Variants in ARHGAP10 observed in about 807,000 individuals in gnomAD.
ARHGAP10 encodes Rho GTPase activating protein 10.
A neutral mutation model predicts 108.6 loss-of-function variants in ARHGAP10; 87 were observed. That is an observed-to-expected ratio of 0.80 (90% CI 0.67 to 0.96). The LOEUF (loss-of-function observed/expected upper bound fraction) is 0.96, where lower values mean the gene tolerates loss of function less well. Ranked by LOEUF, ARHGAP10 falls within the 40% of genes least tolerant of loss-of-function variation. The pLI, the probability that ARHGAP10 is intolerant of heterozygous loss-of-function variation, is 0.00. For missense variants in ARHGAP10, 939 were observed against 954.5 expected (o/e 0.98, Z 0.21); for synonymous variants, 347 against 341.1 (o/e 1.02, Z -0.19).
chr4:148,047,427 T>C (rs943209652), intron 20 of ARHGAP10, among the ~76,000 whole-genome samples: 4 of 152,262 alleles, frequency 2.6e-5, no homozygotes, highest in African/African-American at 9.6e-5. Flanking sequence ...GTCTGTAGAA[T>C]GATATTTTAC....
Position 147,906,104 on chromosome 4 carries a change from G to A in ARHGAP10, c.1035-534G>A, listed in dbSNP as rs573334283. On this transcript the variant is annotated intron_variant, in intron 10 of 22. Coordinates refer to ENST00000336498, the MANE Select transcript of ARHGAP10 (RefSeq NM_024605.4). ...TTTGTATCCTGAGACTTTGCTGAAG[G>A]TGCATCTTTTCTTAACGCTCCTCTG... is the stretch of plus-strand genomic sequence containing the variant. Among the ~76,000 whole-genome samples, 15 of 152,112 alleles carry A rather than the reference G, an allele frequency of 9.9e-5. No homozygotes were observed. In the South Asian group the frequency reaches 2.9e-3, roughly 29 times the overall value.
intron 1 of ARHGAP10, among the ~76,000 whole-genome samples, chr4:147,744,133 G>A (rs1276494571): frequency 6.6e-6 from 1 of 152,206 alleles, no homozygotes; most frequent in Non-Finnish European, 1.5e-5. Context: ...ATCAGTATGG[G>A]ATGCGATGAC....
intron 13 of ARHGAP10, among the ~76,000 whole-genome samples, chr4:147,918,526 T>TTGG (rs1737090489): frequency 6.6e-6 from 1 of 152,206 alleles, no homozygotes; most frequent in African/African-American, 2.4e-5. Flanking sequence ...TCATTTTGAC[T>TTGG]TGGTTCCTTT....
chr4:147,958,382 T>C (rs577404601), intron 16 of ARHGAP10, among the ~76,000 whole-genome samples: 1 of 151,028 alleles, frequency 6.6e-6, no homozygotes, highest in East Asian at 1.9e-4. Flanking sequence ...AGTGTATTTC[T>C]TCCTGTAGTC....
intron 22 of ARHGAP10, among the ~76,000 whole-genome samples, chr4:148,069,074 C>T (rs1008149199): frequency 3.9e-5 from 6 of 152,088 alleles, no homozygotes; most frequent in Non-Finnish European, 8.8e-5. Flanking sequence ...CTGTTGTCCG[C>T]GTAGACACTG....
intron 15 of ARHGAP10, among the ~76,000 whole-genome samples, chr4:147,952,081 C>A (rs139730142): frequency 1.5e-4 from 23 of 152,246 alleles, no homozygotes; most frequent in African/African-American, 5.5e-4. Flanking sequence ...GTAGCACATA[C>A]CAACAGTTCA....
chr4:148,064,307 T>TG lies in ARHGAP10; in HGVS notation c.2181-108dup. ...CGTTAATTTCTCTTTTGGGAGGAGT[T>TG]GCCCTACTGGTGACATCAGTGAGAT... is the stretch of plus-strand genomic sequence containing the variant. On this transcript the variant is annotated intron_variant, in intron 21 of 22. Coordinates refer to ENST00000336498, the MANE Select transcript of ARHGAP10 (RefSeq NM_024605.4). 8 of 763,428 alleles carry TG rather than the reference T, an allele frequency of 1.0e-5. No individual in the cohort carries two copies. The Admixed American group carries it at 1.9e-4, about 18-fold the overall frequency. The allele number at this position is 763,428 out of a possible 1,614,324, so 47.3% of individuals were successfully genotyped here. A position where few individuals can be genotyped will look rare whatever the true frequency, so the allele number is the denominator to read the frequency against.
At chr4:147,904,693 C>G (rs543442270) in intron 10 of ARHGAP10, among the ~76,000 whole-genome samples, 4 of 152,124 alleles carry the variant, frequency 2.6e-5, no homozygotes, top group Non-Finnish European at 5.9e-5. Flanking sequence ...AATAAACATA[C>G]GTGTGCATGT....
In ARHGAP10 at chr4:148,063,619, G is replaced by A. The variant is rs530674908; in HGVS notation, c.2180+319G>A. Among the ~76,000 whole-genome samples the A allele has an allele frequency of 4.6e-5, 7 of 152,298 alleles. No homozygotes were observed. In the East Asian group the frequency reaches 7.7e-4, roughly 17 times the overall value. ...CTCATGAGTATAAAGCACATTCTTCGTTTTAAAAGTAGGCAAGCTGGCACT... is the reference window on the plus strand; with the variant it reads ...CTCATGAGTATAAAGCACATTCTTCATTTTAAAAGTAGGCAAGCTGGCACT... On this transcript the variant is annotated intron_variant, in intron 21 of 22. Coordinates refer to ENST00000336498, the MANE Select transcript of ARHGAP10 (RefSeq NM_024605.4).
At chr4:148,029,997 C>A (rs528968550) in intron 19 of ARHGAP10, among the ~76,000 whole-genome samples, 1 of 151,366 alleles carries the variant, frequency 6.6e-6, no homozygotes, top group Non-Finnish European at 1.5e-5. Context: ...CTCAGCATCC[C>A]CCCCCCCACC....
chr4:147,996,874 A>G (rs1177032535), intron 18 of ARHGAP10, among the ~76,000 whole-genome samples: 1 of 152,208 alleles, frequency 6.6e-6, no homozygotes, highest in African/African-American at 2.4e-5. Flanking sequence ...AACAGGGAGA[A>G]GCAGCCATCC....
At chr4:147,963,993 C>T (rs888029698) in intron 16 of ARHGAP10, among the ~76,000 whole-genome samples, 4 of 152,246 alleles carry the variant, frequency 2.6e-5, no homozygotes, top group African/African-American at 4.8e-5. Context: ...TGCAACAGCT[C>T]TCTTCCCAAA....
chr4:147,798,184 A>G (rs555462717), intron 1 of ARHGAP10, among the ~76,000 whole-genome samples: 26 of 151,520 alleles, frequency 1.7e-4, no homozygotes, highest in Middle Eastern at 3.4e-3. Flanking sequence ...GCTTTATTTA[A>G]ATGTAGTGTG....
In ARHGAP10 at chr4:147,946,635, A is replaced by C; in HGVS notation, c.1322A>C (p.Glu441Ala). ...TCACTAGATGTAAAAACATGCAATG[A>C]GGTGGACCTGGAGAATTCTGCAGAT... ...SMLMDVKTCN[E>A]VDLENSADWE... The change falls in exon 15 of 23, where the codon GAG becomes GCG. Residue 441 changes from glutamate to alanine, a missense_variant. Glu to Ala is a moderately radical substitution (Grantham distance 107). Transcript: ENST00000336498. 1 of 1,612,776 alleles carries C rather than the reference A, an allele frequency of 6.2e-7. No homozygotes were observed. Among genetic ancestry groups the C allele is most frequent in the Non-Finnish European group, 8.5e-7 (1 of 1,179,578 alleles).
At chr4:147,932,693 A>G (rs1030627620) in intron 13 of ARHGAP10, among the ~76,000 whole-genome samples, 2 of 152,164 alleles carry the variant, frequency 1.3e-5, no homozygotes, top group African/African-American at 4.8e-5. Context: ...AGAATAGCTA[A>G]TGGATGCTGG....
chr4:147,825,192 G>A (rs1214032570), intron 3 of ARHGAP10, among the ~76,000 whole-genome samples: 1 of 147,306 alleles, frequency 6.8e-6, no homozygotes, highest in Non-Finnish European at 1.5e-5. Flanking sequence ...TGATGCCTCT[G>A]TAATCCCAGC....
At chr4:147,900,139 C>T (rs761343218) in intron 10 of ARHGAP10, among the ~76,000 whole-genome samples, 4 of 152,094 alleles carry the variant, frequency 2.6e-5, no homozygotes, top group Non-Finnish European at 5.9e-5. Context: ...AGCTATAGAA[C>T]ATGCAGTTGA....
chr4:147,764,160 A>G (rs887809425), intron 1 of ARHGAP10, among the ~76,000 whole-genome samples: 5 of 152,186 alleles, frequency 3.3e-5, no homozygotes, highest in African/African-American at 1.2e-4. Context: ...TGAGTAATGT[A>G]TAAAGCTTGT....
At chr4:147,873,498 G>A (rs1377201881) in intron 7 of ARHGAP10, among the ~76,000 whole-genome samples, 1 of 151,818 alleles carries the variant, frequency 6.6e-6, no homozygotes, top group Non-Finnish European at 1.5e-5. Context: ...AATGACCAAG[G>A]AGGGGAATAA....
Sources: gnomAD v4.1 joint callset for allele counts (sites outside exome capture counted in the v4.1 genomes callset) on GRCh38, gnomAD v4.1.1 for gene constraint, MANE v1.5 for transcripts, NCBI Gene and HGNC (gene_info 2026-07-23, HGNC 2026-07-21) for gene names.